Variants in FAM168B observed in about 807,000 individuals in gnomAD.
FAM168B encodes myelin-associated neurite-outgrowth inhibitor.
In FAM168B, 19 loss-of-function variants were observed where a neutral mutation model predicts 21.8. The observed-to-expected ratio is 0.87, with a 90% confidence interval of 0.61 to 1.28. FAM168B has a LOEUF of 1.28. Ranked by LOEUF, FAM168B falls within the 50% of genes most tolerant of loss-of-function variation. FAM168B has a pLI of 0.00. For synonymous variants in FAM168B, 126 were observed against 104.8 expected (o/e 1.20, Z -1.24); for missense variants, 233 against 263.1 (o/e 0.89, Z 0.79).
At chr2:131,082,989 G>A (rs1459911547) in intron 1 of FAM168B, among the ~76,000 whole-genome samples, 1 of 152,186 alleles carries the variant, frequency 6.6e-6, no homozygotes, top group Non-Finnish European at 1.5e-5. Context: ...GGGAGGCCGA[G>A]GTGGGCAGAT....
chr2:131,056,713 G>A (rs756424372), intron 3 of FAM168B, among the ~76,000 whole-genome samples: 3 of 152,302 alleles, frequency 2.0e-5, no homozygotes, highest in African/African-American at 4.8e-5. Flanking sequence ...ACACACTGTG[G>A]TGCATCCATA....
At chr2:131,070,838 G>C (rs1368842729) in intron 3 of FAM168B, among the ~76,000 whole-genome samples, 1 of 152,168 alleles carries the variant, frequency 6.6e-6, no homozygotes, top group African/African-American at 2.4e-5. Flanking sequence ...CAAACAGCTA[G>C]GGACTGAAAG....
intron 3 of FAM168B, among the ~76,000 whole-genome samples, chr2:131,066,397 G>A (rs969855262): frequency 1.3e-5 from 2 of 152,028 alleles, no homozygotes; most frequent in South Asian, 2.1e-4. Context: ...GGATGGTCTC[G>A]ATCTCCTGAC....
Position 131,049,406 on chromosome 2 carries a change from CAAG to C in FAM168B, c.*3056_*3058del, listed in dbSNP as rs1366282645. 3.1e-5 allele frequency: 31 copies of C among 985,286 alleles called. No individual in the cohort carries two copies. The highest frequency in any genetic ancestry group is 3.6e-5 in the Non-Finnish European group (30 of 829,956). 61.0% of individuals were successfully genotyped at this position (985,286 alleles called of 1,614,324 possible). A position where few individuals can be genotyped will look rare whatever the true frequency, so the allele number is the denominator to read the frequency against. On this transcript the variant is annotated 3_prime_UTR_variant, in exon 7 of 7. Transcript: ENST00000389915. Reference sequence around the variant, plus strand: ...CGACAGGTAGGCCTACAAACCACACCAAGAAGAACGTTCTTAACAGATGGCTCA... The same window carrying C: ...CGACAGGTAGGCCTACAAACCACACCAAGAACGTTCTTAACAGATGGCTCA...
chr2:131,048,598 G>GT lies in FAM168B; in HGVS notation c.*3866dup. On this transcript the variant is annotated 3_prime_UTR_variant, in exon 7 of 7. Coordinates refer to ENST00000389915, the MANE Select transcript of FAM168B (RefSeq NM_001009993.4). ...AAATAGGCCACATACCCCAACTTCT[G>GT]TGTTACTTGGTCAGTTGAGCCCCTG... is the stretch of plus-strand genomic sequence containing the variant. 9.2e-7 allele frequency: 1 copy of GT among 1,090,534 alleles called. No individual in the cohort carries two copies. The highest frequency in any genetic ancestry group is 1.1e-6 in the Non-Finnish European group (1 of 889,006). The allele number at this position is 1,090,534 out of a possible 1,614,324, so 67.6% of individuals were successfully genotyped here. A position where few individuals can be genotyped will look rare whatever the true frequency, so the allele number is the denominator to read the frequency against.
chr2:131,058,584 C>G (rs560850877), intron 3 of FAM168B, among the ~76,000 whole-genome samples: 2 of 152,308 alleles, frequency 1.3e-5, no homozygotes, highest in South Asian at 2.1e-4. Context: ...ATTCGCTCAC[C>G]GCTATGTTAA....
intron 1 of FAM168B, among the ~76,000 whole-genome samples, chr2:131,089,004 T>C (rs1053072146): frequency 5.3e-5 from 8 of 151,624 alleles, no homozygotes; most frequent in African/African-American, 1.2e-4. Context: ...TTCACTTTTG[T>C]TGCCCAGGCT....
At chr2:131,068,461 G>T (rs1001641258) in intron 3 of FAM168B, among the ~76,000 whole-genome samples, 63 of 152,264 alleles carry the variant, frequency 4.1e-4, no homozygotes, top group African/African-American at 1.3e-3. Flanking sequence ...GTGCCCGGCT[G>T]CCTTATATTT....
intron 3 of FAM168B, among the ~76,000 whole-genome samples, chr2:131,058,375 G>A (rs1008015143): frequency 7.2e-5 from 11 of 152,104 alleles, no homozygotes; most frequent in Non-Finnish European, 1.0e-4. Context: ...ATGGTCTCAC[G>A]GTGGGAGGTG....
chr2:131,090,421 T>G (rs1447695413), intron 1 of FAM168B, among the ~76,000 whole-genome samples: 2 of 151,816 alleles, frequency 1.3e-5, no homozygotes, highest in African/African-American at 4.8e-5. Flanking sequence ...CACAGAGCAC[T>G]AAGTATGAAA....
intron 2 of FAM168B, among the ~76,000 whole-genome samples, chr2:131,075,680 G>C (rs1050044473): frequency 6.6e-6 from 1 of 151,992 alleles, no homozygotes; most frequent in African/African-American, 2.4e-5. Flanking sequence ...AGTAGAGACA[G>C]GGTTTCACCA....
chr2:131,089,821 C>G (rs1161778710), intron 1 of FAM168B, among the ~76,000 whole-genome samples: 1 of 151,668 alleles, frequency 6.6e-6, no homozygotes, highest in Non-Finnish European at 1.5e-5. Context: ...ATCACGAGGT[C>G]AGGAATTCCA....
chr2:131,079,164 C>T (rs1280650716), intron 2 of FAM168B, among the ~76,000 whole-genome samples: 1 of 151,554 alleles, frequency 6.6e-6, no homozygotes, highest in Non-Finnish European at 1.5e-5. Flanking sequence ...GCTCTAAATC[C>T]AATGACAAGT....
chr2:131,053,369 T>C (rs918848079), intron 5 of FAM168B, among the ~76,000 whole-genome samples: 2 of 152,210 alleles, frequency 1.3e-5, no homozygotes, highest in Non-Finnish European at 2.9e-5. Context: ...AGAACATAAT[T>C]CTGAAAGAAA....
intron 3 of FAM168B, among the ~76,000 whole-genome samples, chr2:131,065,250 G>A (rs1440640741): frequency 6.6e-6 from 1 of 152,164 alleles, no homozygotes; most frequent in African/African-American, 2.4e-5. Flanking sequence ...CATGGGGAGT[G>A]AAATGTGGGG....
At chr2:131,064,166 C>A (rs1310763514) in intron 3 of FAM168B, among the ~76,000 whole-genome samples, 1 of 152,130 alleles carries the variant, frequency 6.6e-6, no homozygotes, top group Non-Finnish European at 1.5e-5. Flanking sequence ...GGGAAGAGGA[C>A]ATGCACAGGG....
At chr2:131,091,928 G>C (rs1171131246) in intron 1 of FAM168B, among the ~76,000 whole-genome samples, 7 of 150,360 alleles carry the variant, frequency 4.7e-5, no homozygotes, top group Non-Finnish European at 7.4e-5. Flanking sequence ...AGGAGATTGG[G>C]ACCATCCTGG....
At chr2:131,084,471 A>G (rs929821363) in intron 1 of FAM168B, among the ~76,000 whole-genome samples, 2 of 152,028 alleles carry the variant, frequency 1.3e-5, no homozygotes, top group African/African-American at 4.8e-5. Flanking sequence ...AGTAGATGGG[A>G]CTACAGGTGT....
Position 131,070,423 on chromosome 2 carries a change from C to T in FAM168B, c.154+1432G>A, listed in dbSNP as rs372551618. 3.3e-5 allele frequency among the ~76,000 whole-genome samples: 5 copies of T among 152,124 alleles called. No individual in the cohort carries two copies. In the East Asian group the frequency reaches 5.8e-4, roughly 18 times the overall value. ...AAGTGTTGTTAAGGATGTGGAGGAA[C>T]GACAACTCACAAACACTGCTGGTAG... On this transcript the variant is annotated intron_variant, in intron 3 of 6. Coordinates refer to ENST00000389915, the MANE Select transcript of FAM168B (RefSeq NM_001009993.4).
Sources: allele counts gnomAD v4.1 joint callset (sites outside exome capture counted in the v4.1 genomes callset), GRCh38; gene constraint gnomAD v4.1.1; transcripts MANE v1.5; gene names NCBI Gene and HGNC (gene_info 2026-07-23, HGNC 2026-07-21).